The following TMEM132D variants were observed in gnomAD, a reference collection of about 807,000 sequenced individuals.
The protein encoded by TMEM132D is mature OL transmembrane protein.
Under a neutral mutation model 62.3 loss-of-function variants are expected in TMEM132D, and 21 were observed. The ratio of observed to expected loss-of-function variants is 0.34; its 90% CI spans 0.24 to 0.49. TMEM132D has a LOEUF of 0.49. Among genes scored for constraint, TMEM132D ranks in the 20% least tolerant of loss-of-function variants. TMEM132D has a pLI of 0.99. For missense variants in TMEM132D, 1,346 were observed against 1,402.8 expected, an observed-to-expected ratio of 0.96 and a Z score of 0.65; for synonymous variants, 621 against 575.6, an observed-to-expected ratio of 1.08 and a Z score of -1.13.
In TMEM132D at chr12:129,106,275, C is replaced by T. The variant is rs7137606; in HGVS notation, c.1444-21573G>A. Among the ~76,000 whole-genome samples, 14 of 126,516 alleles carry T rather than the reference C, an allele frequency of 1.1e-4. No individual in the cohort carries two copies. In the South Asian group the frequency reaches 3.7e-3, roughly 33 times the overall value. 83.0% of individuals were successfully genotyped at this position (126,516 alleles called of 152,430 possible). On this transcript the variant is annotated intron_variant, in intron 5 of 8. Transcript: ENST00000422113. Reference sequence around the variant, plus strand: ...CACTCTGGGGCCTGTTGTGGGAGGGCGGAGGGGGGAGGGATAGCATTGGGA... The same window carrying T: ...CACTCTGGGGCCTGTTGTGGGAGGGTGGAGGGGGGAGGGATAGCATTGGGA...
intron 5 of TMEM132D, among the ~76,000 whole-genome samples, chr12:129,204,412 C>A (rs1878788401): frequency 6.6e-6 from 1 of 152,144 alleles, no homozygotes; most frequent in African/African-American, 2.4e-5. Context: ...ATAGACCTAG[C>A]TGAAGAAATC....
intron 1 of TMEM132D, among the ~76,000 whole-genome samples, chr12:129,800,630 C>T (rs747829418): frequency 1.1e-4 from 17 of 152,292 alleles, no homozygotes; most frequent in East Asian, 7.7e-4. Context: ...TCCCTCCCTC[C>T]GAGCACCTTT....
chr12:129,741,476 G>A (rs995540794), intron 1 of TMEM132D, among the ~76,000 whole-genome samples: 2 of 152,144 alleles, frequency 1.3e-5, no homozygotes, highest in African/African-American at 4.8e-5. Context: ...AGAAAAAGAG[G>A]AGTAGCAGGA....
At chr12:129,076,378 T>C (rs1310944952) in intron 8 of TMEM132D, among the ~76,000 whole-genome samples, 1 of 152,024 alleles carries the variant, frequency 6.6e-6, no homozygotes. Flanking sequence ...AACACATCCT[T>C]TGTTATTTAA....
intron 3 of TMEM132D, among the ~76,000 whole-genome samples, chr12:129,362,186 A>G (rs1463976820): frequency 6.6e-6 from 1 of 152,130 alleles, no homozygotes; most frequent in African/African-American, 2.4e-5. Context: ...TCCCAATCAA[A>G]TCTTGTTGAT....
At chr12:129,781,768 C>T (rs769968485) in intron 1 of TMEM132D, among the ~76,000 whole-genome samples, 2 of 152,230 alleles carry the variant, frequency 1.3e-5, no homozygotes, top group Non-Finnish European at 2.9e-5. Flanking sequence ...TGCAGCGTGG[C>T]TTCACTGAGA....
intron 3 of TMEM132D, among the ~76,000 whole-genome samples, chr12:129,355,461 A>G (rs1870012253): frequency 6.6e-6 from 1 of 152,136 alleles, no homozygotes; most frequent in Admixed American, 6.5e-5. Flanking sequence ...GTGAAATTCT[A>G]TTTCCAACTT....
intron 2 of TMEM132D, among the ~76,000 whole-genome samples, chr12:129,610,937 TG>T (rs766785373): frequency 2.0e-5 from 3 of 152,132 alleles, no homozygotes; most frequent in Non-Finnish European, 4.4e-5. Context: ...TGGTCCAAAT[TG>T]CTCCCCAGAG....
chr12:129,592,571 C>G (rs1878223649), intron 2 of TMEM132D, among the ~76,000 whole-genome samples: 1 of 152,136 alleles, frequency 6.6e-6, no homozygotes, highest in South Asian at 2.1e-4. Flanking sequence ...AGATTGGGAA[C>G]AAGCTAAGCA....
At chr12:129,736,410 T>A (rs761333674) in intron 1 of TMEM132D, among the ~76,000 whole-genome samples, 8 of 152,198 alleles carry the variant, frequency 5.3e-5, no homozygotes, top group Non-Finnish European at 1.2e-4. Context: ...TATAAGCACC[T>A]TACACATAAA....
chr12:129,127,015 T>C (rs1876232744), intron 5 of TMEM132D, among the ~76,000 whole-genome samples: 1 of 152,216 alleles, frequency 6.6e-6, no homozygotes, highest in South Asian at 2.1e-4. Context: ...ACTACCTTGT[T>C]TGCTTCAGAG....
At chr12:129,373,399 G>A (rs553640978) in intron 3 of TMEM132D, among the ~76,000 whole-genome samples, 41 of 152,242 alleles carry the variant, frequency 2.7e-4, no homozygotes, top group Non-Finnish European at 4.3e-4. Context: ...TTGGGAGGAC[G>A]AGGTGGGTGG....
At chr12:129,836,834 T>C (rs905789031) in intron 1 of TMEM132D, among the ~76,000 whole-genome samples, 6 of 152,196 alleles carry the variant, frequency 3.9e-5, no homozygotes, top group Non-Finnish European at 8.8e-5. Flanking sequence ...TATTGTACAG[T>C]ACTTATATCT....
intron 1 of TMEM132D, among the ~76,000 whole-genome samples, chr12:129,710,572 C>T (rs982226877): frequency 1.3e-5 from 2 of 152,108 alleles, no homozygotes; most frequent in African/African-American, 2.4e-5. Context: ...GCTGGGATTA[C>T]AGGCATGAGC....
chr12:129,460,389 A>G (rs1593019311), intron 3 of TMEM132D, among the ~76,000 whole-genome samples: 1 of 152,228 alleles, frequency 6.6e-6, no homozygotes, highest in East Asian at 1.9e-4. Context: ...AAGGTCCTTG[A>G]GAAATGTCAG....
At chr12:129,607,771 T>C (rs535462176) in intron 2 of TMEM132D, among the ~76,000 whole-genome samples, 102 of 152,354 alleles carry the variant, frequency 6.7e-4, no homozygotes, top group African/African-American at 2.4e-3. Context: ...TTTTCTGTGT[T>C]TTGGAGTACC....
chr12:129,518,566 T>C (rs778996352), intron 3 of TMEM132D, among the ~76,000 whole-genome samples: 66 of 89,422 alleles, frequency 7.4e-4, no homozygotes, highest in African/African-American at 1.1e-3. Context: ...TGTATATATA[T>C]ACACACACAC....
At chr12:129,363,045 C>T (rs1163020610) in intron 3 of TMEM132D, among the ~76,000 whole-genome samples, 1 of 152,184 alleles carries the variant, frequency 6.6e-6, no homozygotes, top group Admixed American at 6.5e-5. Flanking sequence ...TCATACACTC[C>T]TTCCTCCATC....
intron 2 of TMEM132D, among the ~76,000 whole-genome samples, chr12:129,577,810 T>G (rs921292027): frequency 2.0e-5 from 3 of 152,172 alleles, no homozygotes; most frequent in Non-Finnish European, 4.4e-5. Flanking sequence ...TCTGTGTGTG[T>G]GTGTCTGTAG....
Sources: allele counts gnomAD v4.1 joint callset (sites outside exome capture counted in the v4.1 genomes callset), GRCh38; gene constraint gnomAD v4.1.1; transcripts MANE v1.5; gene names NCBI Gene and HGNC (gene_info 2026-07-23, HGNC 2026-07-21).